FNBP1: variants seen among roughly 807,000 people sequenced by gnomAD.
FNBP1 encodes formin-binding protein 1.
In FNBP1, 26 loss-of-function variants were observed where a neutral mutation model predicts 90.6. The observed-to-expected ratio is 0.29, with a 90% CI of 0.21 to 0.40. FNBP1 has a LOEUF of 0.40. Ranked by LOEUF, FNBP1 falls within the 10% of genes least tolerant of loss-of-function variation. The pLI, the probability that FNBP1 is intolerant of heterozygous loss-of-function variation, is 1.00. For synonymous variants in FNBP1, 260 were observed against 265.2 expected, an observed-to-expected ratio of 0.98 and a Z score of 0.19; for missense variants, 635 against 768.0, an observed-to-expected ratio of 0.83 and a Z score of 2.05.
Position 130,031,939 on chromosome 9 carries a change from G to C in FNBP1, c.24+11013C>G, listed in dbSNP as rs1204724473. On this transcript the variant is annotated intron_variant, in intron 1 of 16. Coordinates refer to ENST00000446176, the MANE Select transcript of FNBP1 (RefSeq NM_015033.3). The surrounding 1 kb of genome is among the most constrained non-coding windows in gnomAD (Gnocchi z 4.2). Reference sequence around the variant, plus strand: ...GGCCTTCCAAAGTGCTGGTATTACAGGAGTGAGCCACTGCGCCTGGCCTGA... The same window carrying C: ...GGCCTTCCAAAGTGCTGGTATTACACGAGTGAGCCACTGCGCCTGGCCTGA... Among the ~76,000 whole-genome samples, 2 of 152,118 alleles carry C rather than the reference G, an allele frequency of 1.3e-5. No homozygotes were observed. The highest frequency in any genetic ancestry group is 2.9e-5 in the Non-Finnish European group (2 of 68,028).
chr9:129,956,226 T>C (rs1345640446), intron 6 of FNBP1, among the ~76,000 whole-genome samples: 1 of 152,170 alleles, frequency 6.6e-6, no homozygotes, highest in African/African-American at 2.4e-5. Context: ...TATTAACGTA[T>C]ACCTAGTCTT....
At chr9:129,926,685 G>C (rs1031283328) in intron 8 of FNBP1, among the ~76,000 whole-genome samples, 1 of 152,040 alleles carries the variant, frequency 6.6e-6, no homozygotes, top group Admixed American at 6.6e-5. Context: ...TCAGGAGTTC[G>C]AGACCAGCCT....
At chr9:129,982,666 T>G (rs1247323362) in intron 2 of FNBP1, among the ~76,000 whole-genome samples, 1 of 152,134 alleles carries the variant, frequency 6.6e-6, no homozygotes, top group Non-Finnish European at 1.5e-5. Context: ...TTATTTTTTA[T>G]TTTAATTTTT....
chr9:129,905,600 T>G (rs60731594), intron 12 of FNBP1, among the ~76,000 whole-genome samples: 9,907 of 151,978 alleles, frequency 0.065, 1,094 homozygotes, highest in African/African-American at 0.23. Flanking sequence ...TGAGCCACCA[T>G]GCCCAGCCGC....
upstream of FNBP1, among the ~76,000 whole-genome samples, chr9:130,046,919 C>G (rs1166466885): frequency 6.6e-6 from 1 of 152,008 alleles, no homozygotes; most frequent in Non-Finnish European, 1.5e-5. Context: ...CTGTGAGGCA[C>G]TGTAACAAAT....
chr9:129,907,615 G>A (rs1047683236), intron 12 of FNBP1, among the ~76,000 whole-genome samples: 1 of 74,972 alleles, frequency 1.3e-5, no homozygotes. Context: ...GTGTGTGTGT[G>A]TGTGTGTGTG....
chr9:130,016,541 C>T (rs1197876559), intron 1 of FNBP1, among the ~76,000 whole-genome samples: 1 of 152,094 alleles, frequency 6.6e-6, no homozygotes, highest in Non-Finnish European at 1.5e-5. Flanking sequence ...GCTGGGAGTT[C>T]AACACCAGCC....
chr9:129,987,194 G>A (rs144863848), intron 2 of FNBP1, among the ~76,000 whole-genome samples: 109 of 152,140 alleles, frequency 7.2e-4, no homozygotes, highest in Non-Finnish European at 1.4e-3. Context: ...GTAAAGTATG[G>A]TGGCATTTTC....
At chr9:130,040,587 C>A (rs144974748) in intron 1 of FNBP1, among the ~76,000 whole-genome samples, 1 of 150,194 alleles carries the variant, frequency 6.7e-6, no homozygotes, top group East Asian at 2.0e-4. Context: ...CGCCACTGCA[C>A]GCCAGCCTGG....
At chr9:129,940,947 A>G (rs1195654700) in intron 6 of FNBP1, among the ~76,000 whole-genome samples, 4 of 152,112 alleles carry the variant, frequency 2.6e-5, no homozygotes, top group Non-Finnish European at 5.9e-5. Flanking sequence ...TGAAAGGAAC[A>G]AATCCTCTAG....
chr9:129,897,210 A>AAT (rs2131242354), intron 15 of FNBP1, among the ~76,000 whole-genome samples: 1 of 152,140 alleles, frequency 6.6e-6, no homozygotes, highest in South Asian at 2.1e-4. Context: ...ATCAGCCCCG[A>AAT]ATATATGCAG....
At chr9:129,983,295 A>G (rs1296091858) in intron 2 of FNBP1, among the ~76,000 whole-genome samples, 1 of 152,214 alleles carries the variant, frequency 6.6e-6, no homozygotes, top group Non-Finnish European at 1.5e-5. Flanking sequence ...ATGAATGGGA[A>G]TCACTTTGAC....
At chr9:130,051,360 C>G in the FNBP1 span, among the ~76,000 whole-genome samples, 1 of 152,158 alleles carries the variant, frequency 6.6e-6, no homozygotes, top group Admixed American at 6.6e-5. Flanking sequence ...ATAAGAAAAA[C>G]AAATGGCAAT....
intron 1 of FNBP1, among the ~76,000 whole-genome samples, chr9:130,034,343 C>T (rs190662458): frequency 6.8e-6 from 1 of 147,818 alleles, no homozygotes; most frequent in Non-Finnish European, 1.5e-5. Context: ...GTTGGTCAGG[C>T]GTGGTAGTGT....
At chr9:129,932,185 T>C (rs1426503929) in intron 6 of FNBP1, among the ~76,000 whole-genome samples, 3 of 150,192 alleles carry the variant, frequency 2.0e-5, no homozygotes, top group African/African-American at 4.9e-5. Context: ...CACTCCAGCC[T>C]GGGCGACTGA....
chr9:130,038,708 C>G (rs1326880480), intron 1 of FNBP1, among the ~76,000 whole-genome samples: 1 of 152,138 alleles, frequency 6.6e-6, no homozygotes, highest in Non-Finnish European at 1.5e-5. Context: ...CCACATGTGG[C>G]TTCTTACTAT....
intron 13 of FNBP1, among the ~76,000 whole-genome samples, chr9:129,901,545 GAAT>G (rs981659815): frequency 6.6e-6 from 1 of 151,862 alleles, no homozygotes; most frequent in African/African-American, 2.4e-5. Flanking sequence ...TCAAAAAAAA[GAAT>G]AATAATAAGA....
chr9:130,001,578 A>G (rs75762392), intron 1 of FNBP1, among the ~76,000 whole-genome samples: 11,755 of 152,128 alleles, frequency 0.077, 601 homozygotes, highest in Middle Eastern at 0.14. Flanking sequence ...CATATAACAT[A>G]TATGCTAAAA....
chr9:130,031,650 A>C lies in FNBP1; in HGVS notation c.24+11302T>G, dbSNP rs950414550. 4.0e-5 allele frequency among the ~76,000 whole-genome samples: 6 copies of C among 151,050 alleles called. No homozygotes were observed. The highest frequency in any genetic ancestry group is 1.2e-4 in the African/African-American group (5 of 40,676). On this transcript the variant is annotated intron_variant, in intron 1 of 16. Transcript: ENST00000446176. The surrounding 1 kb of genome is among the most constrained non-coding windows in gnomAD (Gnocchi z 4.2). Reference sequence around the variant, plus strand: ...CCTACCTTAGTCCTTATTACACAATAATTTCTTTCTTTCTTTCTTTCTTTT... The same window carrying C: ...CCTACCTTAGTCCTTATTACACAATCATTTCTTTCTTTCTTTCTTTCTTTT...
Sources: allele counts gnomAD v4.1 joint callset (sites outside exome capture counted in the v4.1 genomes callset), GRCh38; gene constraint gnomAD v4.1.1; non-coding constraint Gnocchi (gnomAD v3.1); transcripts MANE v1.5; gene names NCBI Gene and HGNC (gene_info 2026-07-23, HGNC 2026-07-21).